C10orf90: variants seen among roughly 807,000 people sequenced by gnomAD.
C10orf90 encodes chromosome 10 open reading frame 90, also known as (E2-independent) E3 ubiquitin-conjugating enzyme FATS.
A neutral mutation model predicts 62.5 loss-of-function variants in C10orf90; 56 were observed. The ratio of observed to expected loss-of-function variants is 0.90; its 90% CI spans 0.72 to 1.12. C10orf90 has a LOEUF of 1.12. Among genes scored for constraint, C10orf90 ranks in the 50% most tolerant of loss-of-function variants. The pLI is 0.00. For missense variants in C10orf90, 970 were observed against 880.4 expected, an observed-to-expected ratio of 1.10 and a Z score of -1.29; for synonymous variants, 386 against 340.4, an observed-to-expected ratio of 1.13 and a Z score of -1.47.
At chr10:126,607,362 A>G (rs1285388611) in intron 2 of C10orf90, among the ~76,000 whole-genome samples, 5 of 152,208 alleles carry the variant, frequency 3.3e-5, no homozygotes, top group Non-Finnish European at 1.5e-5. Context: ...TTGCAAATCT[A>G]ACTAGCCACT....
At chr10:126,573,219 GAC>G (rs1844544494) in intron 2 of C10orf90, among the ~76,000 whole-genome samples, 1 of 152,154 alleles carries the variant, frequency 6.6e-6, no homozygotes, top group African/African-American at 2.4e-5. Flanking sequence ...GGCGGTACGT[GAC>G]TGGAGGCTGC....
chr10:126,575,651 G>A (rs1844594608), intron 2 of C10orf90, among the ~76,000 whole-genome samples: 1 of 151,898 alleles, frequency 6.6e-6, no homozygotes, highest in South Asian at 2.1e-4. Flanking sequence ...GAACAAGGCT[G>A]GAGGTATCAG....
intron 4 of C10orf90, among the ~76,000 whole-genome samples, chr10:126,475,517 G>A (rs1209536523): frequency 2.6e-5 from 4 of 152,164 alleles, no homozygotes; most frequent in Admixed American, 2.6e-4. Context: ...CATTAGCATG[G>A]CCGTCATTCT....
intron 2 of C10orf90, among the ~76,000 whole-genome samples, chr10:126,619,292 A>G (rs916928380): frequency 6.6e-6 from 1 of 152,212 alleles, no homozygotes. Context: ...ATAGGCACGT[A>G]TTCCTGTCAG....
At chr10:126,628,686 G>T (rs1443824355) in intron 2 of C10orf90, among the ~76,000 whole-genome samples, 1 of 152,176 alleles carries the variant, frequency 6.6e-6, no homozygotes, top group Non-Finnish European at 1.5e-5. Context: ...TTGCAGAGTG[G>T]ACAGTTCTGA....
intron 4 of C10orf90, among the ~76,000 whole-genome samples, chr10:126,502,019 TAC>T (rs755852923): frequency 1.4e-4 from 14 of 99,684 alleles, no homozygotes; most frequent in Non-Finnish European, 2.9e-4. Context: ...ACACACACCA[TAC>T]ACACACACCA....
chr10:126,588,700 A>G (rs1844923023), intron 2 of C10orf90, among the ~76,000 whole-genome samples: 1 of 152,250 alleles, frequency 6.6e-6, no homozygotes, highest in Admixed American at 6.5e-5. Flanking sequence ...CTCCATTCAA[A>G]GTTCAGCAGC....
chr10:126,479,812 A>G (rs1043334764), intron 4 of C10orf90, among the ~76,000 whole-genome samples: 1 of 152,246 alleles, frequency 6.6e-6, no homozygotes, highest in Non-Finnish European at 1.5e-5. Context: ...AAGAACATAA[A>G]CAAAAAGGAA....
At chr10:126,532,054 A>T (rs1449538149) in intron 2 of C10orf90, among the ~76,000 whole-genome samples, 1 of 152,216 alleles carries the variant, frequency 6.6e-6, no homozygotes, top group Non-Finnish European at 1.5e-5. Context: ...AAACTTAGGC[A>T]GTTGCCCCCC....
intron 2 of C10orf90, among the ~76,000 whole-genome samples, chr10:126,548,651 C>T (rs947989573): frequency 6.6e-6 from 1 of 152,126 alleles, no homozygotes; most frequent in Non-Finnish European, 1.5e-5. Flanking sequence ...AGGCATGAGC[C>T]ACTGCGCCCG....
intron 5 of C10orf90, 71 bp downstream of exon 5, chr10:126,464,625 A>C: frequency 6.8e-7 from 1 of 1,469,152 alleles, no homozygotes; most frequent in East Asian, 2.3e-5. Context: ...CACGAGGTCC[A>C]GGTAGGCAAT....
At chr10:126,592,654 C>T (rs934926921) in intron 2 of C10orf90, among the ~76,000 whole-genome samples, 1 of 152,136 alleles carries the variant, frequency 6.6e-6, no homozygotes, top group African/African-American at 2.4e-5. Context: ...ATGGCAAAAA[C>T]ACCAAAAGCA....
At chr10:126,567,756 C>T (rs180844003) in intron 2 of C10orf90, among the ~76,000 whole-genome samples, 61 of 152,220 alleles carry the variant, frequency 4.0e-4, no homozygotes, top group Non-Finnish European at 7.8e-4. Flanking sequence ...TTAGAGCAAA[C>T]GCCAGACTGG....
At chr10:126,633,063 G>A (rs1845881053) in intron 2 of C10orf90, among the ~76,000 whole-genome samples, 2 of 152,192 alleles carry the variant, frequency 1.3e-5, no homozygotes, top group Non-Finnish European at 2.9e-5. Context: ...CAGGTCCTCT[G>A]ACAAAATGGC....
intron 2 of C10orf90, among the ~76,000 whole-genome samples, chr10:126,631,475 TG>T (rs1194108614): frequency 6.6e-6 from 1 of 152,150 alleles, no homozygotes; most frequent in Non-Finnish European, 1.5e-5. Flanking sequence ...CCTTGGTTTT[TG>T]CTCTCTTATC....
Position 126,522,181 on chromosome 10 carries a change from T to C in C10orf90, c.314-8242A>G, listed in dbSNP as rs902829012. ...TACTTGGGAGGCTGAGACAGGACAA[T>C]CGCTTGAACCTGGGAGGCAGAGGTT... On this transcript the variant is annotated intron_variant, in intron 2 of 9. Coordinates refer to ENST00000488181, the MANE Select transcript of C10orf90 (RefSeq NM_001350921.2). Among the ~76,000 whole-genome samples, 9 of 152,296 alleles carry C rather than the reference T, an allele frequency of 5.9e-5. 1 individual carries two copies. The highest frequency in any genetic ancestry group is 5.9e-4 in the Admixed American group (9 of 15,302).
chr10:126,597,300 G>A (rs192282864), intron 2 of C10orf90, among the ~76,000 whole-genome samples: 146 of 152,346 alleles, frequency 9.6e-4, no homozygotes, highest in Non-Finnish European at 1.7e-3. Flanking sequence ...TCCATGTAAT[G>A]GAGAGTAGTA....
intron 2 of C10orf90, among the ~76,000 whole-genome samples, chr10:126,529,157 A>T (rs1864028015): frequency 6.6e-6 from 1 of 152,244 alleles, no homozygotes; most frequent in African/African-American, 2.4e-5. Context: ...TGGGACAATT[A>T]GCTACCATTA....
chr10:126,477,445 C>A lies in C10orf90; in HGVS notation c.1535-12459G>T, dbSNP rs371524489. Among the ~76,000 whole-genome samples, 73 of 152,216 alleles carry A rather than the reference C, an allele frequency of 4.8e-4. 1 individual carries two copies. The highest frequency in any genetic ancestry group is 1.6e-3 in the African/African-American group (66 of 41,552). ...TCACACCCTCTGGGTCTACGTGGTA[C>A]CTGCCACACTCCTTTGTGTTTTGCC... On this transcript the variant is annotated intron_variant, in intron 4 of 9. Coordinates refer to ENST00000488181, the MANE Select transcript of C10orf90 (RefSeq NM_001350921.2).
Sources: gnomAD v4.1 joint callset for allele counts (sites outside exome capture counted in the v4.1 genomes callset) on GRCh38, gnomAD v4.1.1 for gene constraint, MANE v1.5 for transcripts, NCBI Gene and HGNC (gene_info 2026-07-23, HGNC 2026-07-21) for gene names.